ARID1B: variants seen among roughly 807,000 people sequenced by gnomAD.
The protein encoded by ARID1B is AT-rich interactive domain-containing protein 1B.
Under a neutral mutation model 212.3 loss-of-function variants are expected in ARID1B, and 30 were observed. That is an observed-to-expected ratio of 0.14 (90% CI 0.11 to 0.19). The LOEUF (loss-of-function observed/expected upper bound fraction) is 0.19, where lower values mean the gene tolerates loss of function less well. ARID1B is among the 10% of genes least tolerant of loss of function. The pLI, the probability that ARID1B is intolerant of heterozygous loss-of-function variation, is 1.00. For missense variants in ARID1B, 2,891 were observed against 3,204.0 expected, an observed-to-expected ratio of 0.90 and a Z score of 2.36; for synonymous variants, 1,402 against 1,301.7, an observed-to-expected ratio of 1.08 and a Z score of -1.66.
At chr6:156,987,037 G>T (rs377430451) in intron 4 of ARID1B, among the ~76,000 whole-genome samples, 7 of 151,868 alleles carry the variant, frequency 4.6e-5, no homozygotes, top group African/African-American at 1.7e-4. Context: ...AAAATTAGTC[G>T]GGTGTGATGG....
At chr6:156,910,601 A>G (rs988135300) in intron 3 of ARID1B, among the ~76,000 whole-genome samples, 1 of 152,056 alleles carries the variant, frequency 6.6e-6, no homozygotes, top group Admixed American at 6.6e-5. Flanking sequence ...CATGTTACTC[A>G]CATTTATGGC....
chr6:157,057,852 G>A (rs1381334588), intron 4 of ARID1B, among the ~76,000 whole-genome samples: 1 of 152,074 alleles, frequency 6.6e-6, no homozygotes, highest in African/African-American at 2.4e-5. Flanking sequence ...TTCAGATAGG[G>A]TTGATGATAC....
At chr6:157,098,444 C>T (rs1226594633) in intron 5 of ARID1B, among the ~76,000 whole-genome samples, 1 of 152,124 alleles carries the variant, frequency 6.6e-6, no homozygotes, top group Non-Finnish European at 1.5e-5. Context: ...CCCAGTAGAC[C>T]TTGGAATTGT....
At chr6:156,881,500 G>T (rs1486705224) in intron 2 of ARID1B, among the ~76,000 whole-genome samples, 1 of 151,948 alleles carries the variant, frequency 6.6e-6, no homozygotes, top group Non-Finnish European at 1.5e-5. Flanking sequence ...ATACCTTTAG[G>T]TTCTCTCTAA....
chr6:156,814,505 C>G (rs1050422311), intron 1 of ARID1B, among the ~76,000 whole-genome samples: 1 of 152,164 alleles, frequency 6.6e-6, no homozygotes, highest in Non-Finnish European at 1.5e-5. Flanking sequence ...AATTGGATTG[C>G]AGCAAATGGG....
intron 2 of ARID1B, among the ~76,000 whole-genome samples, chr6:156,839,080 C>T (rs1237792407): frequency 2.6e-5 from 4 of 152,022 alleles, no homozygotes; most frequent in Admixed American, 1.3e-4. Flanking sequence ...CTGTGCCATT[C>T]GTTAGGGGTC....
At chr6:157,160,863 G>T (rs1400394680) in intron 8 of ARID1B, among the ~76,000 whole-genome samples, 2 of 152,182 alleles carry the variant, frequency 1.3e-5, no homozygotes, top group African/African-American at 4.8e-5. Context: ...AGATGGAGGG[G>T]ACGTCATCCC....
At chr6:157,197,839 C>G (rs567905771) in intron 16 of ARID1B, among the ~76,000 whole-genome samples, 1 of 152,296 alleles carries the variant, frequency 6.6e-6, no homozygotes, top group South Asian at 2.1e-4. Flanking sequence ...TGTTAGGCAA[C>G]TTAAATTTTA....
intron 8 of ARID1B, chr6:157,166,772 T>C: frequency 3.2e-6 from 1 of 315,474 alleles, no homozygotes; most frequent in Non-Finnish European, 5.7e-6. Context: ...TTCCTCTATA[T>C]AAATAATAAC....
chr6:156,901,870 C>T, intron 3 of ARID1B: 1 of 285,492 alleles, frequency 3.5e-6, no homozygotes, highest in Non-Finnish European at 6.6e-6. Flanking sequence ...AGGATTTTAT[C>T]AATCATTTAA....
chr6:157,042,195 G>A (rs1002456006), intron 4 of ARID1B, among the ~76,000 whole-genome samples: 1 of 152,196 alleles, frequency 6.6e-6, no homozygotes. Context: ...ATAAAGCCAT[G>A]ACAAAGATGA....
At chr6:156,928,362 GCA>G (rs1791410263) in intron 3 of ARID1B, among the ~76,000 whole-genome samples, 1 of 152,206 alleles carries the variant, frequency 6.6e-6, no homozygotes, top group Non-Finnish European at 1.5e-5. Flanking sequence ...TGTCAGACGT[GCA>G]CAGATTGTAG....
At chr6:157,022,924 C>T (rs1780417556) in intron 4 of ARID1B, 1 of 149,424 alleles carries the variant, frequency 6.7e-6, no homozygotes, top group Non-Finnish European at 1.5e-5. Flanking sequence ...GAGAAATGGC[C>T]TTGAAGAGTT....
intron 4 of ARID1B, among the ~76,000 whole-genome samples, chr6:157,011,441 A>G (rs547722017): frequency 6.6e-6 from 1 of 152,350 alleles, no homozygotes; most frequent in African/African-American, 2.4e-5. Context: ...ACTAAGTGGA[A>G]AAATTGAAAA....
intron 7 of ARID1B, among the ~76,000 whole-genome samples, chr6:157,137,470 TATGG>T (rs1460168242): frequency 2.0e-5 from 3 of 152,200 alleles, no homozygotes; most frequent in East Asian, 3.8e-4. Context: ...AGTGAGTTTG[TATGG>T]GAAAAAGAGA....
At chr6:157,155,974 C>G (rs978324885) in intron 8 of ARID1B, among the ~76,000 whole-genome samples, 2 of 152,166 alleles carry the variant, frequency 1.3e-5, no homozygotes, top group African/African-American at 4.8e-5. Context: ...TCCTGTGTTG[C>G]CATTTGCCAG....
rs537520748 is a variant in ARID1B, at chr6:156,865,787, GCTTCCCTC to G, written c.1987-35571_1987-35564del. Reference sequence around the variant, plus strand: ...GAGCTCTTTCTGTTCCTCTAAGACTGCTTCCCTCCTTCCCTCCTTCCCTCCACCTTCCT... The same window carrying G: ...GAGCTCTTTCTGTTCCTCTAAGACTGCTTCCCTCCTTCCCTCCACCTTCCT... On this transcript the variant is annotated intron_variant, in intron 2 of 19. Coordinates refer to ENST00000636930, the MANE Select transcript of ARID1B (RefSeq NM_001374828.1). Among the ~76,000 whole-genome samples the G allele has an allele frequency of 4.5e-3, 678 of 151,712 alleles. 2 individuals are homozygous for G. The highest frequency in any genetic ancestry group is 0.012 in the African/African-American group (479 of 41,390).
At chr6:156,991,141 G>C (rs1449579145) in intron 4 of ARID1B, among the ~76,000 whole-genome samples, 1 of 152,222 alleles carries the variant, frequency 6.6e-6, no homozygotes, top group Non-Finnish European at 1.5e-5. Context: ...GGCAGAGACA[G>C]TTTCAACCCT....
chr6:156,982,679 T>G (rs1294567390), intron 4 of ARID1B, among the ~76,000 whole-genome samples: 1 of 152,112 alleles, frequency 6.6e-6, no homozygotes, highest in African/African-American at 2.4e-5. Context: ...ACTGTTAAAT[T>G]ATCTTGTTTT....
Sources: gnomAD v4.1 joint callset for allele counts (sites outside exome capture counted in the v4.1 genomes callset) on GRCh38, gnomAD v4.1.1 for gene constraint, MANE v1.5 for transcripts, NCBI Gene and HGNC (gene_info 2026-07-23, HGNC 2026-07-21) for gene names.